HELZ: variants seen among roughly 807,000 people sequenced by gnomAD.
The protein encoded by HELZ is helicase with zinc finger, also known as ATP-dependent RNA helicase with zinc finger domain.
A neutral mutation model predicts 218.2 loss-of-function variants in HELZ; 23 were observed. The observed-to-expected ratio is 0.11, with a 90% CI of 0.08 to 0.15. HELZ has a LOEUF of 0.15. HELZ is among the 10% of genes least tolerant of loss of function. The probability of loss-of-function intolerance (pLI) is 1.00; values close to 1 mark genes in which losing one functional copy is unlikely to be tolerated. For missense variants in HELZ, 1,813 were observed against 2,353.7 expected (o/e 0.77, Z 4.75); for synonymous variants, 814 against 829.4 (o/e 0.98, Z 0.32).
intron 12 of HELZ, among the ~76,000 whole-genome samples, chr17:67,180,825 C>T (rs930542508): frequency 6.5e-5 from 9 of 138,248 alleles, no homozygotes; most frequent in East Asian, 6.4e-4. Context: ...TTGCAGTGAG[C>T]GGAGATCGCG....
At chr17:67,180,877 C>CAAAAAAAAAAAAAAAAAAAAAAAAAAA (rs1019801835) in intron 12 of HELZ, among the ~76,000 whole-genome samples, 1 of 41,902 alleles carries the variant, frequency 2.4e-5, no homozygotes. Context: ...GACTCCATCT[C>CAAAAAAAAAAAAAAAAAAAAAAAAAAA]AAAAAAAAAA....
chr17:67,164,397 A>G (rs775297975), intron 15 of HELZ, among the ~76,000 whole-genome samples: 4 of 152,178 alleles, frequency 2.6e-5, no homozygotes, highest in African/African-American at 7.2e-5. Flanking sequence ...GTGAATTAAC[A>G]TTGGGCAAAG....
At chr17:67,084,891 G>A (rs1313546343) in intron 32 of HELZ, among the ~76,000 whole-genome samples, 1 of 152,092 alleles carries the variant, frequency 6.6e-6, no homozygotes, top group Non-Finnish European at 1.5e-5. Flanking sequence ...AGGCCAAGGC[G>A]GATGGATCAC....
chr17:67,109,693 A>G lies in HELZ; in HGVS notation c.3919-7T>C. ...GATTTGATTCCAAATCAACCTAGAA[A>G]AAAAGAAGAAGCCTTTTTTAACTGC... is the stretch of plus-strand genomic sequence containing the variant. On this transcript the variant is annotated splice_polypyrimidine_tract_variant and splice_region_variant and intron_variant, in intron 28 of 32. Transcript: ENST00000358691. 2 of 1,593,960 alleles carry G rather than the reference A, an allele frequency of 1.3e-6. No homozygotes were observed. Among genetic ancestry groups the G allele is most frequent in the Non-Finnish European group, 8.5e-7 (1 of 1,169,828 alleles).
chr17:67,187,475 A>T (rs569208471), intron 12 of HELZ, among the ~76,000 whole-genome samples: 1 of 152,344 alleles, frequency 6.6e-6, no homozygotes, highest in East Asian at 1.9e-4. Flanking sequence ...TAATGAGAAA[A>T]ACTACTTCTA....
Position 67,107,258 on chromosome 17 carries a change from G to C in HELZ, c.5152C>G (p.Gln1718Glu). The change falls in exon 31 of 33, where the codon CAG becomes GAG. Residue 1718 changes from glutamine (Q) to glutamate (E), a missense_variant. Around this residue, in one of 4 missense-constraint regions of HELZ, gnomAD observed 938 missense variants for 1,027.5 expected, o/e 0.91. Transcript: ENST00000358691. ...TGACCAATAGCATGTTGATGATTCT[G>C]TATTTGTACAAAAGGGTTCTGCGGT... is the stretch of plus-strand genomic sequence containing the variant. ...RPPQNPFVQI[Q>E]NHQHAIGQEP... 6.2e-7 allele frequency: 1 copy of C among 1,614,126 alleles called. No individual in the cohort carries two copies. Among genetic ancestry groups the C allele is most frequent in the Admixed American group, 1.7e-5 (1 of 60,024 alleles).
In HELZ at chr17:67,083,251, C is replaced by T. The variant is rs528224346; in HGVS notation, c.5494+3578G>A. On this transcript the variant is annotated intron_variant, in intron 32 of 32. Transcript: ENST00000358691. ...CTACATCCTTGTCTAACCATGAATACAAGATTGCTACTAATTAATCATGTA... is the reference window on the plus strand; with the variant it reads ...CTACATCCTTGTCTAACCATGAATATAAGATTGCTACTAATTAATCATGTA... 2.6e-5 allele frequency among the ~76,000 whole-genome samples: 4 copies of T among 152,294 alleles called. No homozygotes were observed. In the East Asian group the frequency reaches 7.7e-4, roughly 29 times the overall value.
intron 1 of HELZ, 123 bp from the exon 2 acceptor site, chr17:67,243,962 G>A (rs1328550450): frequency 5.1e-6 from 5 of 984,860 alleles, no homozygotes; most frequent in Admixed American, 6.2e-5. Flanking sequence ...TACAAAAATG[G>A]TACAGTGTGC....
At chr17:67,126,511 A>C (rs1292472211) in intron 24 of HELZ, among the ~76,000 whole-genome samples, 1 of 152,202 alleles carries the variant, frequency 6.6e-6, no homozygotes, top group Non-Finnish European at 1.5e-5. Flanking sequence ...AAATTTACTT[A>C]GTTTATATAA....
chr17:67,164,110 A>T (rs2039069631), intron 15 of HELZ, among the ~76,000 whole-genome samples: 1 of 152,180 alleles, frequency 6.6e-6, no homozygotes, highest in Non-Finnish European at 1.5e-5. Context: ...GCCGAATATG[A>T]ATAATATGTA....
intron 5 of HELZ, among the ~76,000 whole-genome samples, chr17:67,213,054 C>T (rs1252369223): frequency 6.6e-6 from 1 of 152,144 alleles, no homozygotes; most frequent in African/African-American, 2.4e-5. Flanking sequence ...AATAATGCAA[C>T]ATTTGTCCAT....
intron 5 of HELZ, among the ~76,000 whole-genome samples, chr17:67,209,115 G>A (rs1178306129): frequency 1.0e-5 from 1 of 96,508 alleles, no homozygotes; most frequent in African/African-American, 3.5e-5. Context: ...AAAAGCCTGG[G>A]GAATTAAAAA....
intron 23 of HELZ, among the ~76,000 whole-genome samples, chr17:67,130,104 T>C (rs1210363695): frequency 6.6e-6 from 1 of 152,174 alleles, no homozygotes; most frequent in Non-Finnish European, 1.5e-5. Context: ...TTCTCTTACA[T>C]ATGCCTTATA....
At chr17:67,214,594 G>A (rs1256560359) in intron 5 of HELZ, among the ~76,000 whole-genome samples, 5 of 151,000 alleles carry the variant, frequency 3.3e-5, no homozygotes, top group African/African-American at 1.2e-4. Context: ...TAACACAAAG[G>A]AGTAAGCAGG....
At chr17:67,230,505 G>A (rs536538356) in intron 3 of HELZ, among the ~76,000 whole-genome samples, 1 of 148,204 alleles carries the variant, frequency 6.7e-6, no homozygotes, top group African/African-American at 2.5e-5. Flanking sequence ...GCTGAGGCAG[G>A]AGAATCGCTT....
chr17:67,079,119 T>C (rs1004497436), intron 32 of HELZ, among the ~76,000 whole-genome samples: 14 of 152,232 alleles, frequency 9.2e-5, no homozygotes, highest in African/African-American at 3.4e-4. Flanking sequence ...TCCTATAATG[T>C]GCCTGACTTT....
At chr17:67,219,416 T>G (rs1158267688) in intron 3 of HELZ, among the ~76,000 whole-genome samples, 1 of 152,208 alleles carries the variant, frequency 6.6e-6, no homozygotes. Flanking sequence ...TTCAAGAAAC[T>G]CAGATTCTAG....
chr17:67,191,272 A>G (rs779078079), intron 9 of HELZ, among the ~76,000 whole-genome samples: 7 of 152,154 alleles, frequency 4.6e-5, no homozygotes, highest in Admixed American at 1.3e-4. Flanking sequence ...CTTTAAATAA[A>G]TTTAGAATCA....
chr17:67,107,127 C>A, intron 31 of HELZ, 42 bp downstream of exon 31: 1 of 1,513,032 alleles, frequency 6.6e-7, no homozygotes, highest in Non-Finnish European at 8.9e-7. Context: ...TGATATTTTT[C>A]ACAATCAGCT....
Sources: allele counts gnomAD v4.1 joint callset (sites outside exome capture counted in the v4.1 genomes callset), GRCh38; gene constraint gnomAD v4.1.1; regional missense constraint gnomAD v4.1.1; transcripts MANE v1.5; gene names NCBI Gene and HGNC (gene_info 2026-07-23, HGNC 2026-07-21).